The following SENP7 variants were observed in gnomAD, a reference collection of about 807,000 sequenced individuals.
SENP7 encodes the protein sentrin-specific protease 7.
SENP7 carries 64 observed loss-of-function variants against 141.2 expected under a neutral mutation model. That is an observed-to-expected ratio of 0.45 (90% CI 0.37 to 0.56). The LOEUF (loss-of-function observed/expected upper bound fraction) is 0.56. Among genes scored for constraint, SENP7 ranks in the 20% least tolerant of loss-of-function variants. The pLI, the probability that SENP7 is intolerant of heterozygous loss-of-function variation, is 0.00. For synonymous variants in SENP7, 382 were observed against 426.4 expected (o/e 0.90, Z 1.28); for missense variants, 1,025 against 1,212.2 (o/e 0.85, Z 2.29).
intron 5 of SENP7, among the ~76,000 whole-genome samples, chr3:101,415,213 A>G (rs6777409): frequency 0.46 from 63,436 of 137,570 alleles, 12,535 homozygotes; most frequent in Admixed American, 0.59. Context: ...AGACTAGTTT[A>G]GATAAGAACT....
chr3:101,463,364 AATATATATATATATATAT>A (rs71625265), intron 3 of SENP7, among the ~76,000 whole-genome samples: 2 of 89,248 alleles, frequency 2.2e-5, no homozygotes, highest in Non-Finnish European at 4.5e-5. Flanking sequence ...TAAATAAATA[AATATATATATATATATAT>A]ATATATATAT....
intron 4 of SENP7, among the ~76,000 whole-genome samples, chr3:101,441,474 C>T (rs1317245987): frequency 6.6e-6 from 1 of 152,122 alleles, no homozygotes; most frequent in African/African-American, 2.4e-5. Context: ...CTGCCCTGTC[C>T]ACTGCCACCA....
intron 4 of SENP7, among the ~76,000 whole-genome samples, chr3:101,426,119 T>TA (rs1283153077): frequency 6.6e-6 from 1 of 152,150 alleles, no homozygotes; most frequent in Non-Finnish European, 1.5e-5. Flanking sequence ...TTCCCCAACC[T>TA]AGTCAGAGAG....
chr3:101,400,283 T>G (rs1195144064), intron 5 of SENP7, among the ~76,000 whole-genome samples: 1 of 152,158 alleles, frequency 6.6e-6, no homozygotes, highest in Non-Finnish European at 1.5e-5. Context: ...ACTTATACTT[T>G]GTTTGTAAGA....
intron 4 of SENP7, among the ~76,000 whole-genome samples, chr3:101,435,896 C>T (rs1388678906): frequency 1.3e-5 from 2 of 152,118 alleles, no homozygotes; most frequent in African/African-American, 4.8e-5. Flanking sequence ...ACACCAGTGA[C>T]ATTCTTCACA....
At position 101,364,863 on chromosome 3, in the gene SENP7, G is replaced by A; in HGVS notation, c.1447C>T (p.Leu483=). ...ESTSESALLE[L]PLITCESVQM... is the part of the protein sequence containing the mutation. Reference sequence around the variant, plus strand: ...ACAGATTCACATGTAATCAATGGTAGTTCTAACAATGCTGATTCAGAAGTA... The same window carrying A: ...ACAGATTCACATGTAATCAATGGTAATTCTAACAATGCTGATTCAGAAGTA... The change falls in exon 10 of 24, where the codon CTA becomes TTA. Residue 483 remains leucine, a synonymous_variant. Coordinates refer to ENST00000394095, the MANE Select transcript of SENP7 (RefSeq NM_020654.5). 1 of 1,599,224 alleles carries A rather than the reference G, an allele frequency of 6.3e-7. No homozygotes were observed. Among genetic ancestry groups the A allele is most frequent in the East Asian group, 2.3e-5 (1 of 43,908 alleles).
intron 1 of SENP7, among the ~76,000 whole-genome samples, chr3:101,511,475 C>T (rs1330348617): frequency 3.9e-5 from 6 of 152,122 alleles, no homozygotes; most frequent in African/African-American, 1.4e-4. Context: ...AAGCATTGTG[C>T]GTTTTCCTAA....
intron 4 of SENP7, among the ~76,000 whole-genome samples, chr3:101,444,771 T>C (rs933477315): frequency 6.7e-6 from 1 of 150,064 alleles, no homozygotes; most frequent in Non-Finnish European, 1.5e-5. Flanking sequence ...AAAGATAGCA[T>C]TGGGAGATAT....
intron 1 of SENP7, among the ~76,000 whole-genome samples, chr3:101,505,052 G>A (rs922931297): frequency 2.6e-5 from 4 of 151,374 alleles, no homozygotes; most frequent in South Asian, 2.1e-4. Flanking sequence ...ACGACAGAGC[G>A]AAACCATTTC....
At chr3:101,492,452 C>T (rs559321628) in intron 3 of SENP7, among the ~76,000 whole-genome samples, 2 of 152,236 alleles carry the variant, frequency 1.3e-5, no homozygotes, top group African/African-American at 4.8e-5. Flanking sequence ...ACTTAAAACA[C>T]GTTATCCTAA....
intron 3 of SENP7, among the ~76,000 whole-genome samples, chr3:101,472,821 T>A (rs1267187522): frequency 6.6e-6 from 1 of 151,944 alleles, no homozygotes; most frequent in African/African-American, 2.4e-5. Flanking sequence ...TAAACTTATG[T>A]CATGGGGGGT....
intron 6 of SENP7, among the ~76,000 whole-genome samples, chr3:101,375,696 T>A (rs1192569532): frequency 1.3e-5 from 2 of 151,710 alleles, no homozygotes; most frequent in African/African-American, 4.8e-5. Context: ...CTATTCACAA[T>A]AGCCAAAAGG....
intron 4 of SENP7, among the ~76,000 whole-genome samples, chr3:101,444,835 A>G (rs1043323647): frequency 3.9e-5 from 6 of 152,020 alleles, no homozygotes; most frequent in African/African-American, 1.4e-4. Context: ...TGGCACACGT[A>G]TACATATGTA....
At chr3:101,508,827 C>T (rs2065734808) in intron 1 of SENP7, among the ~76,000 whole-genome samples, 1 of 152,188 alleles carries the variant, frequency 6.6e-6, no homozygotes, top group South Asian at 2.1e-4. Context: ...AAAGTACTAA[C>T]AGCTCCAACT....
chr3:101,345,572 T>C (rs1318676037), intron 13 of SENP7, among the ~76,000 whole-genome samples: 2 of 152,220 alleles, frequency 1.3e-5, no homozygotes, highest in African/African-American at 4.8e-5. Flanking sequence ...AGCTACTGAT[T>C]TGTGTACATT....
intron 3 of SENP7, among the ~76,000 whole-genome samples, chr3:101,480,825 A>C (rs765153027): frequency 2.0e-5 from 3 of 152,196 alleles, no homozygotes; most frequent in Non-Finnish European, 4.4e-5. Context: ...GGGCATGAAT[A>C]GACATTTCTT....
chr3:101,476,295 T>C (rs1302142677), intron 3 of SENP7, among the ~76,000 whole-genome samples: 2 of 141,774 alleles, frequency 1.4e-5, no homozygotes, highest in Non-Finnish European at 3.0e-5. Context: ...TTCCCCGCCC[T>C]GTGTCCATGT....
chr3:101,449,247 G>A (rs565466838), intron 4 of SENP7, among the ~76,000 whole-genome samples: 1 of 152,270 alleles, frequency 6.6e-6, no homozygotes, highest in Non-Finnish European at 1.5e-5. Flanking sequence ...ACGTCTGATT[G>A]GTGTACCTGA....
intron 11 of SENP7, chr3:101,358,479 T>C (rs1576075037): frequency 5.9e-6 from 2 of 337,252 alleles, no homozygotes; most frequent in South Asian, 2.7e-5. Context: ...TTAGTAAATA[T>C]GAGAATTTAT....
Sources: gnomAD v4.1 joint callset for allele counts (sites outside exome capture counted in the v4.1 genomes callset) on GRCh38, gnomAD v4.1.1 for gene constraint, MANE v1.5 for transcripts, NCBI Gene and HGNC (gene_info 2026-07-23, HGNC 2026-07-21) for gene names.